Variants in AGTPBP1 observed in about 807,000 individuals in gnomAD.
AGTPBP1 encodes the protein ATP/GTP binding carboxypeptidase 1.
In AGTPBP1, 70 loss-of-function variants were observed where a neutral mutation model predicts 143.9. The ratio of observed to expected loss-of-function variants is 0.49; its 90% confidence interval spans 0.40 to 0.59. The LOEUF (loss-of-function observed/expected upper bound fraction) is 0.59, where lower values mean the gene tolerates loss of function less well. Ranked by LOEUF, AGTPBP1 falls within the 20% of genes least tolerant of loss-of-function variation. The pLI, the probability that AGTPBP1 is intolerant of heterozygous loss-of-function variation, is 0.00. For missense variants in AGTPBP1, 1,229 were observed against 1,464.5 expected (o/e 0.84, Z 2.62); for synonymous variants, 463 against 500.2 (o/e 0.93, Z 0.99).
At chr9:85,692,572 C>T in intron 3 of AGTPBP1, 117 bp downstream of exon 3, 5 of 1,321,536 alleles carry the variant, frequency 3.8e-6, no homozygotes, top group Non-Finnish European at 5.1e-6. Context: ...CCACACCCGG[C>T]CTGAAAGTTC....
At chr9:85,805,324 C>T in the AGTPBP1 span, 1 of 152,020 alleles carries the variant, frequency 6.6e-6, no homozygotes, top group African/African-American at 2.4e-5. Flanking sequence ...TCCCGCTACC[C>T]TCCGCCCGCC....
the AGTPBP1 span, among the ~76,000 whole-genome samples, chr9:85,800,555 T>C: frequency 2.7e-3 from 405 of 152,284 alleles, no homozygotes; most frequent in African/African-American, 9.4e-3. Context: ...GATTTATATC[T>C]TTTTTATTCC....
intron 3 of AGTPBP1, among the ~76,000 whole-genome samples, chr9:85,687,082 G>T (rs995886740): frequency 2.6e-5 from 4 of 152,122 alleles, no homozygotes; most frequent in African/African-American, 9.7e-5. Flanking sequence ...TCGGCAGCTG[G>T]AGTGGCAATA....
intron 6 of AGTPBP1, among the ~76,000 whole-genome samples, chr9:85,675,438 A>G (rs1834765625): frequency 6.6e-6 from 1 of 152,024 alleles, no homozygotes; most frequent in South Asian, 2.1e-4. Flanking sequence ...TTGTCTTCTT[A>G]ACTAAGATTG....
At chr9:85,556,397 T>C (rs1826343422) in intron 25 of AGTPBP1, among the ~76,000 whole-genome samples, 1 of 152,198 alleles carries the variant, frequency 6.6e-6, no homozygotes, top group Admixed American at 6.5e-5. Flanking sequence ...AATAAAACTT[T>C]TTGAATTAAT....
the AGTPBP1 span, chr9:85,753,289 A>G: frequency 6.2e-7 from 1 of 1,613,222 alleles, no homozygotes; most frequent in South Asian, 1.1e-5. Context: ...AGGTGTTTTC[A>G]ATTTCTTTTT....
At chr9:85,708,484 A>T (rs1355242399) in intron 2 of AGTPBP1, among the ~76,000 whole-genome samples, 1 of 152,196 alleles carries the variant, frequency 6.6e-6, no homozygotes, top group Non-Finnish European at 1.5e-5. Flanking sequence ...GAAATAGAAA[A>T]ACCTGAATAG....
intron 23 of AGTPBP1, among the ~76,000 whole-genome samples, chr9:85,585,214 C>T (rs964406548): frequency 4.6e-5 from 7 of 152,086 alleles, no homozygotes; most frequent in African/African-American, 1.7e-4. Flanking sequence ...GAAGGAGGTA[C>T]TATCGAGTTA....
chr9:85,796,493 A>T, the AGTPBP1 span, among the ~76,000 whole-genome samples: 1 of 152,186 alleles, frequency 6.6e-6, no homozygotes, highest in East Asian at 1.9e-4. Flanking sequence ...ATCTGTCTGT[A>T]TTATAAACCA....
intron 13 of AGTPBP1, among the ~76,000 whole-genome samples, chr9:85,636,913 G>T (rs1832094229): frequency 6.6e-6 from 1 of 151,732 alleles, no homozygotes; most frequent in African/African-American, 2.4e-5. Context: ...AGCAAAAAAA[G>T]TATATGTTAA....
chr9:85,596,311 A>C, intron 18 of AGTPBP1, 51 bp downstream of exon 18: 1 of 1,281,740 alleles, frequency 7.8e-7, no homozygotes, highest in Non-Finnish European at 1.1e-6. Flanking sequence ...GGATGTACTT[A>C]ATACTGCCTT....
At chr9:85,770,704 T>C in the AGTPBP1 span, among the ~76,000 whole-genome samples, 71 of 152,332 alleles carry the variant, frequency 4.7e-4, no homozygotes, top group African/African-American at 1.6e-3. Context: ...GTGAGGTTCT[T>C]AAAGTTGGAG....
At chr9:85,603,899 C>T (rs570369986) in intron 17 of AGTPBP1, among the ~76,000 whole-genome samples, 4 of 152,164 alleles carry the variant, frequency 2.6e-5, no homozygotes, top group South Asian at 4.1e-4. Flanking sequence ...GACTCTTCTG[C>T]ATGAAAAAAA....
chr9:85,608,648 G>C (rs1474099042), intron 17 of AGTPBP1, among the ~76,000 whole-genome samples: 1 of 151,704 alleles, frequency 6.6e-6, no homozygotes, highest in Non-Finnish European at 1.5e-5. Flanking sequence ...GGAATTTGAT[G>C]ATAATATATT....
At chr9:85,592,758 T>A in intron 18 of AGTPBP1, 54 bp from the exon 19 acceptor site, 1 of 1,571,826 alleles carries the variant, frequency 6.4e-7, no homozygotes, top group Non-Finnish European at 8.6e-7. Context: ...AAACTGATTT[T>A]CCTTGTTACT....
chr9:85,685,419 C>T (rs1201408924), intron 3 of AGTPBP1, among the ~76,000 whole-genome samples: 1 of 151,846 alleles, frequency 6.6e-6, no homozygotes, highest in African/African-American at 2.4e-5. Context: ...CAAATGACAA[C>T]AGAGTTCTCA....
At chr9:85,581,237 A>G (rs1828239852) in intron 23 of AGTPBP1, among the ~76,000 whole-genome samples, 2 of 152,212 alleles carry the variant, frequency 1.3e-5, no homozygotes, top group Non-Finnish European at 2.9e-5. Flanking sequence ...GCATAACCAT[A>G]GGAAGAGAGG....
At chr9:85,657,316 C>T (rs563848827) in intron 10 of AGTPBP1, 119 bp downstream of exon 10, 42 of 920,248 alleles carry the variant, frequency 4.6e-5, no homozygotes, top group Non-Finnish European at 6.2e-5. Context: ...TTAAGATTTT[C>T]GAAAAATGCA....
At chr9:85,624,929 T>C (rs771278321) in intron 14 of AGTPBP1, among the ~76,000 whole-genome samples, 6 of 152,228 alleles carry the variant, frequency 3.9e-5, no homozygotes, top group Non-Finnish European at 7.3e-5. Flanking sequence ...TTTCATTTTA[T>C]AATACATCTT....
Sources: gnomAD v4.1 joint callset for allele counts (sites outside exome capture counted in the v4.1 genomes callset) on GRCh38, gnomAD v4.1.1 for gene constraint, MANE v1.5 for transcripts, NCBI Gene and HGNC (gene_info 2026-07-23, HGNC 2026-07-21) for gene names.